Variants in CEP120 observed in about 807,000 individuals in gnomAD.
CEP120 encodes centrosomal protein of 120 kDa.
CEP120 carries 113 observed loss-of-function variants against 126.5 expected under a neutral mutation model. The ratio of observed to expected loss-of-function variants is 0.89; its 90% CI spans 0.77 to 1.04. CEP120 has a LOEUF of 1.04. CEP120 is among the 50% of genes least tolerant of loss of function. CEP120 has a pLI of 0.00. For missense variants in CEP120, 1,230 were observed against 1,155.7 expected, an observed-to-expected ratio of 1.06 and a Z score of -0.93; for synonymous variants, 400 against 394.3, an observed-to-expected ratio of 1.01 and a Z score of -0.17.
At chr5:123,379,515 C>T (rs1281769732) in intron 14 of CEP120, among the ~76,000 whole-genome samples, 1 of 152,002 alleles carries the variant, frequency 6.6e-6, no homozygotes, top group South Asian at 2.1e-4. Context: ...TAATTATTTT[C>T]TCCATCCTCT....
intron 4 of CEP120, among the ~76,000 whole-genome samples, chr5:123,402,867 C>T (rs1040162841): frequency 1.6e-4 from 25 of 152,292 alleles, no homozygotes; most frequent in Admixed American, 1.4e-3. Context: ...AGAGCTCCTC[C>T]CTAATGAATG....
chr5:123,386,310 A>T (rs1772014990), intron 10 of CEP120, among the ~76,000 whole-genome samples: 1 of 152,174 alleles, frequency 6.6e-6, no homozygotes, highest in South Asian at 2.1e-4. Context: ...AAGATAGGAA[A>T]ATCAAAAAAG....
chr5:123,414,570 CT>C (rs1379674713), intron 3 of CEP120, among the ~76,000 whole-genome samples: 1 of 152,088 alleles, frequency 6.6e-6, no homozygotes, highest in East Asian at 1.9e-4. Flanking sequence ...AATTGTTTAA[CT>C]TTTTTCCCCC....
At chr5:123,404,512 C>T (rs933520780) in intron 4 of CEP120, among the ~76,000 whole-genome samples, 1 of 151,536 alleles carries the variant, frequency 6.6e-6, no homozygotes, top group African/African-American at 2.4e-5. Context: ...AGAGCGTGTA[C>T]AGAATGAGAA....
At chr5:123,356,231 T>C (rs887397922) in intron 18 of CEP120, among the ~76,000 whole-genome samples, 12 of 152,242 alleles carry the variant, frequency 7.9e-5, no homozygotes, top group South Asian at 6.2e-4. Context: ...TCCAGCTTTG[T>C]TCTTTTGGCT....
chr5:123,423,167 G>C lies in CEP120; in HGVS notation c.-169C>G, dbSNP rs1774835947. The C allele has an allele frequency of 4.8e-6, 3 of 623,260 alleles. No individual in the cohort carries two copies. The highest frequency in any genetic ancestry group is 8.6e-6 in the Non-Finnish European group (3 of 350,130). 38.6% of individuals were successfully genotyped at this position (623,260 alleles called of 1,614,324 possible). On this transcript the variant is annotated 5_prime_UTR_variant, in exon 1 of 20. Transcript: ENST00000306467. The stretch of plus-strand genomic sequence containing the variant: ...CACCGCCGTCTGCTGCAGCGCGCCC[G>C]GCTCCTCTGCCTCGGGCCGCCAGCC...
intron 4 of CEP120, among the ~76,000 whole-genome samples, chr5:123,411,408 T>C (rs1370608223): frequency 1.3e-5 from 2 of 152,208 alleles, no homozygotes; most frequent in Non-Finnish European, 2.9e-5. Context: ...ACAGTACCTT[T>C]ATTTATAATT....
At chr5:123,369,771 T>A (rs1770720124) in intron 17 of CEP120, among the ~76,000 whole-genome samples, 1 of 152,058 alleles carries the variant, frequency 6.6e-6, no homozygotes, top group African/African-American at 2.4e-5. Context: ...TTCAATGACA[T>A]CACCTTTTTT....
Position 123,382,791 on chromosome 5 carries a change from T to C in CEP120, c.1959A>G (p.Ala653=). 1 of 1,613,480 alleles carries C rather than the reference T, an allele frequency of 6.2e-7. No homozygotes were observed. The highest frequency in any genetic ancestry group is 8.5e-7 in the Non-Finnish European group (1 of 1,179,660). The change falls in exon 13 of 20, where the codon GCA becomes GCG. Residue 653 remains alanine, a synonymous_variant. Coordinates refer to ENST00000306467, the MANE Select transcript of CEP120 (RefSeq NM_001375405.1). ...TEPRETLEYK[A]ALELEMWKEM... ...CCTTCCACATTTCTAGCTCAAGTGC[T>C]GCTTTGTATTCTAACGTTTCACGAG...
At chr5:123,364,649 C>T in intron 17 of CEP120, 55 bp from the exon 18 acceptor site, 1 of 1,005,276 alleles carries the variant, frequency 9.9e-7, no homozygotes, top group Non-Finnish European at 1.5e-6. Context: ...TGTACAACCA[C>T]TGAAAGATAA....
chr5:123,393,636 T>C (rs1772553772), intron 5 of CEP120, 139 bp from the exon 6 acceptor site: 1 of 691,162 alleles, frequency 1.4e-6, no homozygotes, highest in Admixed American at 3.0e-5. Context: ...AATTTCTGAA[T>C]TTCTGCCAAA....
At position 123,388,412 on chromosome 5, in the gene CEP120, G is replaced by C; in HGVS notation, c.1430+20C>G. On this transcript the variant is annotated intron_variant, in intron 9 of 19. Coordinates refer to ENST00000306467, the MANE Select transcript of CEP120 (RefSeq NM_001375405.1). The stretch of plus-strand genomic sequence containing the variant: ...CTTTCTCTTCAGAAAATAATACTTT[G>C]AAACAAAATCAAATCACACCTTAAT... 6.9e-7 allele frequency: 1 copy of C among 1,443,674 alleles called. No individual in the cohort carries two copies. 89.4% of individuals were successfully genotyped at this position (1,443,674 alleles called of 1,614,324 possible).
chr5:123,401,535 T>G, intron 4 of CEP120: 1 of 1,309,180 alleles, frequency 7.6e-7, no homozygotes, highest in Admixed American at 1.7e-5. Flanking sequence ...CGGTTGGCGA[T>G]CTCCTCGTAC....
chr5:123,416,258 A>C, intron 2 of CEP120, 134 bp from the exon 3 acceptor site: 1 of 607,712 alleles, frequency 1.6e-6, no homozygotes, highest in Non-Finnish European at 2.9e-6. Context: ...TTGTCTAAAA[A>C]ACTCTTCAAC....
At position 123,408,705 on chromosome 5, in the gene CEP120, C is replaced by T. The variant is rs1773856178; in HGVS notation, c.463+3694G>A. ...CCAAACATTTAAGGAAGAAATTATA[C>T]CAATTCTCTATAATCTCTTTCAGAA... On this transcript the variant is annotated intron_variant, in intron 4 of 19. Transcript: ENST00000306467. Among the ~76,000 whole-genome samples the T allele has an allele frequency of 3.9e-5, 6 of 152,164 alleles. No individual in the cohort carries two copies. The South Asian group carries it at 1.2e-3, about 31-fold the overall frequency.
Position 123,412,481 on chromosome 5 carries a change from C to A in CEP120, c.381G>T (p.Gln127His), listed in dbSNP as rs1774128286. ...NKYTKFKSEIQISIALETDTK... is the reference protein window; with the variant it reads ...NKYTKFKSEIHISIALETDTK... ...TATCGGTTTCCAAAGCAATACTTAT[C>A]TGTATCTCAGACTTGAATTTGGTGT... is the stretch of plus-strand genomic sequence containing the variant. The change falls in exon 4 of 20, where the codon CAG becomes CAT. Residue 127 changes from glutamine to histidine, a missense_variant. By Grantham distance (24) the Gln-to-His change is conservative. Transcript: ENST00000306467. The A allele has an allele frequency of 1.2e-6, 2 of 1,611,798 alleles. No individual in the cohort carries two copies. The highest frequency in any genetic ancestry group is 3.3e-5 in the Admixed American group (2 of 59,702).
At position 123,401,246 on chromosome 5, in the gene CEP120, G is replaced by A. The variant is rs1335349527; in HGVS notation, c.464-1962C>T. On this transcript the variant is annotated intron_variant, in intron 4 of 19. Coordinates refer to ENST00000306467, the MANE Select transcript of CEP120 (RefSeq NM_001375405.1). ...GGTACTCACGCAGCTGCCACGCCAT[G>A]TCCTGCTTGGCCCGCTGCAGGGCGG... is the stretch of plus-strand genomic sequence containing the variant. 24 of 1,611,678 alleles carry A rather than the reference G, an allele frequency of 1.5e-5. No individual in the cohort carries two copies. In the Admixed American group the frequency reaches 1.7e-4, roughly 11 times the overall value.
intron 4 of CEP120, among the ~76,000 whole-genome samples, chr5:123,407,259 A>G (rs1364323578): frequency 6.6e-6 from 1 of 152,164 alleles, no homozygotes; most frequent in Admixed American, 6.5e-5. Context: ...TCATGCAACT[A>G]TATTAATAAT....
rs1004680551 is a variant in CEP120, at chr5:123,394,324, T to C, written c.613-827A>G. ...CAATTCTTCCACAAACAGGAGGGTATAGGGGGAATAGTTACAGGAGGAAAC... is the reference window on the plus strand; with the variant it reads ...CAATTCTTCCACAAACAGGAGGGTACAGGGGGAATAGTTACAGGAGGAAAC... On this transcript the variant is annotated intron_variant, in intron 5 of 19. Transcript: ENST00000306467. 3.3e-5 allele frequency among the ~76,000 whole-genome samples: 5 copies of C among 152,248 alleles called. No individual in the cohort carries two copies. The East Asian group carries it at 7.7e-4, about 24-fold the overall frequency.
Sources: gnomAD v4.1 joint callset for allele counts (sites outside exome capture counted in the v4.1 genomes callset) on GRCh38, gnomAD v4.1.1 for gene constraint, MANE v1.5 for transcripts, NCBI Gene and HGNC (gene_info 2026-07-23, HGNC 2026-07-21) for gene names.